The following AAGAB variants were observed in gnomAD, a reference collection of about 807,000 sequenced individuals.
The protein encoded by AAGAB is alpha- and gamma-adaptin-binding protein p34.
AAGAB carries 38 observed loss-of-function variants against 44.1 expected under a neutral mutation model. The observed-to-expected ratio is 0.86, with a 90% CI of 0.67 to 1.13. The LOEUF is 1.13. AAGAB is among the 50% of genes most tolerant of loss of function. The pLI, the probability that AAGAB is intolerant of heterozygous loss-of-function variation, is 0.00. For synonymous variants in AAGAB, 131 were observed against 131.8 expected (o/e 0.99, Z 0.04); for missense variants, 450 against 373.8 (o/e 1.20, Z -1.68).
intron 5 of AAGAB, among the ~76,000 whole-genome samples, chr15:67,216,171 C>T (rs144691562): frequency 1.8e-4 from 27 of 151,848 alleles, no homozygotes; most frequent in African/African-American, 5.3e-4. Context: ...AGGCCAGGCA[C>T]GGTGGCTCAC....
chr15:67,226,161 C>G (rs941238343), intron 5 of AAGAB, among the ~76,000 whole-genome samples: 2 of 151,612 alleles, frequency 1.3e-5, no homozygotes, highest in African/African-American at 4.9e-5. Context: ...GAATTGGGGT[C>G]TCACTCTGTT....
At chr15:67,237,179 G>A (rs1964491055) in intron 1 of AAGAB, among the ~76,000 whole-genome samples, 1 of 152,084 alleles carries the variant, frequency 6.6e-6, no homozygotes, top group Non-Finnish European at 1.5e-5. Context: ...CTTCATAGGA[G>A]GTAGACAATA....
chr15:67,214,538 C>T (rs1567017841), intron 5 of AAGAB, among the ~76,000 whole-genome samples: 1 of 152,230 alleles, frequency 6.6e-6, no homozygotes, highest in African/African-American at 2.4e-5. Flanking sequence ...TATAAGACTG[C>T]CAAATGTCCC....
At chr15:67,235,851 T>C in intron 4 of AAGAB, 128 bp downstream of exon 4, 1 of 705,486 alleles carries the variant, frequency 1.4e-6, no homozygotes, top group Non-Finnish European at 2.3e-6. Context: ...CATCAATGGA[T>C]TTTGCTTAAA....
upstream of AAGAB, chr15:67,255,031 C>T: frequency 1.5e-6 from 2 of 1,367,654 alleles, no homozygotes; most frequent in East Asian, 4.9e-5. Flanking sequence ...CACCGACGCT[C>T]ACCCATTTGG....
intron 1 of AAGAB, among the ~76,000 whole-genome samples, chr15:67,249,800 T>C (rs1596020752): frequency 6.6e-6 from 1 of 152,242 alleles, no homozygotes; most frequent in Non-Finnish European, 1.5e-5. Flanking sequence ...CTCCAGCACC[T>C]GGGCAAGTCA....
chr15:67,225,180 G>A lies in AAGAB; in HGVS notation c.535+6634C>T, dbSNP rs140334701. On this transcript the variant is annotated intron_variant, in intron 5 of 9. Coordinates refer to ENST00000261880, the MANE Select transcript of AAGAB (RefSeq NM_024666.5). ...CCAGGTGATTCCAATGTGCAAACAC[G>A]TTTGAGAACTGATGAGCTATATGAC... 7.9e-3 allele frequency among the ~76,000 whole-genome samples: 1,209 copies of A among 152,288 alleles called. 14 individuals carry two copies. Among genetic ancestry groups the A allele is most frequent in the Non-Finnish European group, 0.012 (789 of 68,026 alleles).
chr15:67,213,946 C>A (rs1273471005), intron 5 of AAGAB, among the ~76,000 whole-genome samples: 1 of 152,112 alleles, frequency 6.6e-6, no homozygotes, highest in Non-Finnish European at 1.5e-5. Context: ...TTATTATTCT[C>A]TTTTACAGAA....
intron 1 of AAGAB, among the ~76,000 whole-genome samples, chr15:67,250,447 G>A (rs1964835221): frequency 6.6e-6 from 1 of 152,168 alleles, no homozygotes; most frequent in African/African-American, 2.4e-5. Context: ...AAAGTGCTGG[G>A]ATTACAGGCG....
At chr15:67,215,773 A>G (rs1267710432) in intron 5 of AAGAB, among the ~76,000 whole-genome samples, 2 of 152,378 alleles carry the variant, frequency 1.3e-5, no homozygotes, top group Non-Finnish European at 2.9e-5. Flanking sequence ...TTACACTTTG[A>G]TATTACAATC....
Sources: allele counts gnomAD v4.1 joint callset (sites outside exome capture counted in the v4.1 genomes callset), GRCh38; gene constraint gnomAD v4.1.1; transcripts MANE v1.5; gene names NCBI Gene and HGNC (gene_info 2026-07-23, HGNC 2026-07-21).